The following PPP1R2 variants were observed in gnomAD, a reference collection of about 807,000 sequenced individuals.
The protein encoded by PPP1R2 is protein phosphatase 1 regulatory inhibitor subunit 2, also known as protein phosphatase inhibitor 2.
A neutral mutation model predicts 29.9 loss-of-function variants in PPP1R2; 16 were observed. The ratio of observed to expected loss-of-function variants is 0.53; its 90% CI spans 0.36 to 0.81. The LOEUF (loss-of-function observed/expected upper bound fraction) is 0.81, where lower values mean the gene tolerates loss of function less well. Among genes scored for constraint, PPP1R2 ranks in the 30% least tolerant of loss-of-function variants. PPP1R2 has a pLI of 0.00. For synonymous variants in PPP1R2, 76 were observed against 91.5 expected, an observed-to-expected ratio of 0.83 and a Z score of 0.96; for missense variants, 197 against 252.7, an observed-to-expected ratio of 0.78 and a Z score of 1.49.
At position 195,515,401 on chromosome 3, in the gene PPP1R2, T is replaced by C. The variant is rs1718508812; in HGVS notation, c.*1495A>G. 6.5e-6 allele frequency: 1 copy of C among 152,788 alleles called. No homozygotes were observed. The allele number at this position is 152,788 out of a possible 1,614,324, so 9.5% of individuals were successfully genotyped here. A position where few individuals can be genotyped will look rare whatever the true frequency, so the allele number is the denominator to read the frequency against. On this transcript the variant is annotated 3_prime_UTR_variant, in exon 6 of 6. Transcript: ENST00000618156. ...GATAAGCTGTTCAATAAAAGCCTTCTTTCATATATGTATCTATATATAAAA... is the reference window on the plus strand; with the variant it reads ...GATAAGCTGTTCAATAAAAGCCTTCCTTCATATATGTATCTATATATAAAA...
intron 1 of PPP1R2, among the ~76,000 whole-genome samples, chr3:195,530,175 A>G (rs190504572): frequency 5.3e-5 from 8 of 152,360 alleles, no homozygotes; most frequent in African/African-American, 1.4e-4. Flanking sequence ...CCATACTATG[A>G]CATGCTTAGC....
chr3:195,523,962 C>A (rs989266935), intron 3 of PPP1R2, among the ~76,000 whole-genome samples, 176 bp from the exon 4 acceptor site: 24 of 152,014 alleles, frequency 1.6e-4, no homozygotes, highest in African/African-American at 5.3e-4. Context: ...GTGGTACACG[C>A]CTGTGGTCCT....
intron 2 of PPP1R2, among the ~76,000 whole-genome samples, chr3:195,528,416 TTTCA>T (rs1719055491): frequency 6.6e-6 from 1 of 152,226 alleles, no homozygotes; most frequent in Non-Finnish European, 1.5e-5. Flanking sequence ...TCTGTACCTA[TTTCA>T]TTATTTCTTT....
chr3:195,538,354 T>TGA (rs1719469674), intron 1 of PPP1R2, among the ~76,000 whole-genome samples: 1 of 152,256 alleles, frequency 6.6e-6, no homozygotes, highest in South Asian at 2.1e-4. Context: ...CAAGGTGATT[T>TGA]AACTTTAATT....
At chr3:195,522,989 A>G (rs1456228269) in intron 4 of PPP1R2, 1 of 152,170 alleles carries the variant, frequency 6.6e-6, no homozygotes, top group Non-Finnish European at 1.5e-5. Flanking sequence ...ACTATACACA[A>G]TTTTTTAACT....
At chr3:195,535,853 A>T (rs1307754174) in intron 1 of PPP1R2, among the ~76,000 whole-genome samples, 1 of 152,196 alleles carries the variant, frequency 6.6e-6, no homozygotes, top group Non-Finnish European at 1.5e-5. Context: ...AAAAAGCACA[A>T]AAGTTAGGCA....
rs113458908 is a variant in PPP1R2 at position 195,542,830 on chromosome 3, C to T, written c.122+74G>A. The T allele has an allele frequency of 7.9e-4, 1,138 of 1,448,434 alleles. 11 individuals carry two copies. Among genetic ancestry groups the T allele is most frequent in the South Asian group, 7.7e-3 (552 of 71,400 alleles). 89.7% of individuals were successfully genotyped at this position (1,448,434 alleles called of 1,614,324 possible). ...CCGAGCCGCATCCACGCCGCCCGCC[C>T]GCCCCTGGGGTCTGGGTAGGTAACG... is the stretch of plus-strand genomic sequence containing the variant. On this transcript the variant is annotated intron_variant, in intron 1 of 5. Transcript: ENST00000618156.
chr3:195,543,134 C>G lies in PPP1R2; in HGVS notation c.-109G>C. On this transcript the variant is annotated 5_prime_UTR_variant, in exon 1 of 6. Coordinates refer to ENST00000618156, the MANE Select transcript of PPP1R2 (RefSeq NM_006241.8). ...AGGCAGCCGCAGATCCCGCTCAGGG[C>G]TAAAGCGGCCGCAACTGCTGCCTCG... The G allele has an allele frequency of 7.3e-7, 1 of 1,368,820 alleles. No individual in the cohort carries two copies. Among genetic ancestry groups the G allele is most frequent in the South Asian group, 1.6e-5 (1 of 64,196 alleles). 84.8% of individuals were successfully genotyped at this position (1,368,820 alleles called of 1,614,324 possible).
At chr3:195,524,736 A>C in intron 3 of PPP1R2, 83 bp downstream of exon 3, 1 of 1,310,736 alleles carries the variant, frequency 7.6e-7, no homozygotes, top group Admixed American at 1.8e-5. Context: ...CCGCTCATAC[A>C]GGGACAGCCA....
At chr3:195,524,977 C>T (rs1718910902) in intron 2 of PPP1R2, 81 bp from the exon 3 acceptor site, 1 of 1,157,172 alleles carries the variant, frequency 8.6e-7, no homozygotes, top group Non-Finnish European at 1.3e-6. Context: ...ACAATTCCAT[C>T]AACCTACTTA....
At chr3:195,531,994 A>G (rs1459107580) in intron 1 of PPP1R2, among the ~76,000 whole-genome samples, 2 of 152,114 alleles carry the variant, frequency 1.3e-5, no homozygotes, top group African/African-American at 4.8e-5. Context: ...CACTAAGCAT[A>G]ATGTCTTCAA....
At chr3:195,535,571 A>T (rs1719348825) in intron 1 of PPP1R2, among the ~76,000 whole-genome samples, 1 of 152,240 alleles carries the variant, frequency 6.6e-6, no homozygotes, top group African/African-American at 2.4e-5. Context: ...ATGGATCCTG[A>T]AATTCAAGAG....
intron 4 of PPP1R2, among the ~76,000 whole-genome samples, chr3:195,520,148 C>G (rs540696349): frequency 2.6e-5 from 4 of 152,086 alleles, no homozygotes; most frequent in Admixed American, 6.5e-5. Context: ...TAGTTGGGAT[C>G]ACAGGCATGT....
intron 4 of PPP1R2, chr3:195,523,371 C>T (rs529257996): frequency 1.1e-5 from 3 of 278,104 alleles, no homozygotes; most frequent in South Asian, 4.7e-5. Flanking sequence ...ACTTTAAGAC[C>T]GTCCAAACGC....
intron 1 of PPP1R2, among the ~76,000 whole-genome samples, chr3:195,535,965 A>G (rs1423697979): frequency 1.3e-5 from 2 of 151,484 alleles, no homozygotes; most frequent in East Asian, 2.0e-4. Flanking sequence ...CCTCCTCCTC[A>G]GCCTGCTCAA....
chr3:195,540,345 G>A (rs1719548779), intron 1 of PPP1R2, among the ~76,000 whole-genome samples: 1 of 152,148 alleles, frequency 6.6e-6, no homozygotes, highest in Non-Finnish European at 1.5e-5. Context: ...CTGCATTTTT[G>A]TTGGTGAATC....
chr3:195,524,910 C>A lies in PPP1R2; in HGVS notation c.231-14G>T. On this transcript the variant is annotated splice_polypyrimidine_tract_variant and intron_variant, in intron 2 of 5. Transcript: ENST00000618156. Reference sequence around the variant, plus strand: ...TCCCCCATCATACTAGTATGACAAGCACATTGTAATTAATACCTGAAACAT... The same window carrying A: ...TCCCCCATCATACTAGTATGACAAGAACATTGTAATTAATACCTGAAACAT... 6.2e-7 allele frequency: 1 copy of A among 1,608,170 alleles called. No homozygotes were observed. Among genetic ancestry groups the A allele is most frequent in the Non-Finnish European group, 8.5e-7 (1 of 1,174,796 alleles).
intron 4 of PPP1R2, among the ~76,000 whole-genome samples, chr3:195,520,857 C>CG (rs1381496350): frequency 2.0e-5 from 3 of 151,576 alleles, no homozygotes; most frequent in Non-Finnish European, 4.4e-5. Context: ...TTACTAGAGA[C>CG]GGGGTTTCAC....
rs1718471898 is a variant in PPP1R2, at chr3:195,514,447, T to C, written c.*2449A>G. 1.3e-5 allele frequency: 2 copies of C among 152,204 alleles called. No individual in the cohort carries two copies. The highest frequency in any genetic ancestry group is 2.9e-5 in the Non-Finnish European group (2 of 68,028). The allele number at this position is 152,204 out of a possible 1,614,324, so 9.4% of individuals were successfully genotyped here. On this transcript the variant is annotated 3_prime_UTR_variant, in exon 6 of 6. Coordinates refer to ENST00000618156, the MANE Select transcript of PPP1R2 (RefSeq NM_006241.8). ...CAATTGTCATATTATTGTATTTTAT[T>C]ACAGTACGTGTAGTGTATACTAACT...
Sources: allele counts gnomAD v4.1 joint callset (sites outside exome capture counted in the v4.1 genomes callset), GRCh38; gene constraint gnomAD v4.1.1; transcripts MANE v1.5; gene names NCBI Gene and HGNC (gene_info 2026-07-23, HGNC 2026-07-21).